The following ZNF214 variants were observed in gnomAD, a reference collection of about 807,000 sequenced individuals.
ZNF214 encodes zinc finger protein 214.
ZNF214 carries 43 observed loss-of-function variants against 53.9 expected under a neutral mutation model. The observed-to-expected ratio is 0.80, with a 90% CI of 0.63 to 1.03. ZNF214 has a LOEUF of 1.03. ZNF214 is among the 50% of genes least tolerant of loss of function. The pLI is 0.00. For synonymous variants in ZNF214, 217 were observed against 229.5 expected, an observed-to-expected ratio of 0.95 and a Z score of 0.49; for missense variants, 724 against 719.1, an observed-to-expected ratio of 1.01 and a Z score of -0.08.
intron 1 of ZNF214, among the ~76,000 whole-genome samples, chr11:7,010,074 C>A (rs944348586): frequency 6.6e-6 from 1 of 151,986 alleles, no homozygotes; most frequent in Non-Finnish European, 1.5e-5. Context: ...TGGGTATATG[C>A]CCAAAGGAAT....
In ZNF214 at chr11:6,999,684, T is replaced by C. The variant is rs1851271487; in HGVS notation, c.*178A>G. The C allele has an allele frequency of 1.7e-6, 1 of 576,088 alleles. No homozygotes were observed. Among genetic ancestry groups the C allele is most frequent in the East Asian group, 3.0e-5 (1 of 33,802 alleles). The allele number at this position is 576,088 out of a possible 1,614,324, so 35.7% of individuals were successfully genotyped here. On this transcript the variant is annotated 3_prime_UTR_variant, in exon 3 of 3. Transcript: ENST00000278314. Reference sequence around the variant, plus strand: ...AAAATACACTATAATTTTAAATATATAGGGTTTTTTCTAAAGATCTCCTTT... The same window carrying C: ...AAAATACACTATAATTTTAAATATACAGGGTTTTTTCTAAAGATCTCCTTT...
intron 1 of ZNF214, among the ~76,000 whole-genome samples, chr11:7,007,453 AGATTGCAAAAATAC>A: frequency 6.6e-6 from 1 of 151,914 alleles, no homozygotes; most frequent in South Asian, 2.1e-4. Context: ...GGATAAAAAA[AGATTGCAAAAATAC>A]GAATCAAAAG....
rs906577720 is a variant in ZNF214, at chr11:6,998,839, C to A, written c.*1023G>T. On this transcript the variant is annotated 3_prime_UTR_variant, in exon 3 of 3. Coordinates refer to ENST00000278314, the MANE Select transcript of ZNF214 (RefSeq NM_013249.4). ...CCTCTAATTTTCCTAAACATGTCCA[C>A]TTTTTTTTCTCTTGGTATTACTTCA... 1.3e-5 allele frequency among the ~76,000 whole-genome samples: 2 copies of A among 151,826 alleles called. No homozygotes were observed. Among genetic ancestry groups the A allele is most frequent in the Non-Finnish European group, 2.9e-5 (2 of 67,898 alleles).
chr11:7,000,039 A>G lies in ZNF214; in HGVS notation c.1644T>C (p.His548=). ...CACATTGATAAGGCTTCTCTCCTGT[A>G]TGGACCCTCTGATGAATGTGAAGAT... ...SSNLHIHQRV[H]TGEKPYQCAK... The change falls in exon 3 of 3, where the codon CAT becomes CAC. Residue 548 remains histidine, a synonymous_variant. Transcript: ENST00000278314. 6.2e-7 allele frequency: 1 copy of G among 1,613,226 alleles called. No homozygotes were observed. The highest frequency in any genetic ancestry group is 8.5e-7 in the Non-Finnish European group (1 of 1,179,510).
At position 6,999,793 on chromosome 11, in the gene ZNF214, A is replaced by G; in HGVS notation, c.*69T>C. On this transcript the variant is annotated 3_prime_UTR_variant, in exon 3 of 3. Transcript: ENST00000278314. The stretch of plus-strand genomic sequence containing the variant: ...TTGTGTTATTTATAAGATTTCCTTA[A>G]CAGCAGGATTTATAGGGTTTAAAGG... The G allele has an allele frequency of 2.1e-6, 3 of 1,451,394 alleles. No homozygotes were observed. Among genetic ancestry groups the G allele is most frequent in the Non-Finnish European group, 2.8e-6 (3 of 1,090,078 alleles). The allele number at this position is 1,451,394 out of a possible 1,614,324, so 89.9% of individuals were successfully genotyped here. A position where few individuals can be genotyped will look rare whatever the true frequency, so the allele number is the denominator to read the frequency against.
chr11:7,007,953 A>G (rs990446895), intron 1 of ZNF214, among the ~76,000 whole-genome samples: 2 of 152,172 alleles, frequency 1.3e-5, no homozygotes, highest in East Asian at 1.9e-4. Context: ...AATTATTAAC[A>G]ATAGAATTTT....
At chr11:7,015,275 G>A (rs1851734074) in intron 1 of ZNF214, among the ~76,000 whole-genome samples, 1 of 152,004 alleles carries the variant, frequency 6.6e-6, no homozygotes, top group South Asian at 2.1e-4. Context: ...TTAGAATTTT[G>A]AGTGCTAAAA....
Position 6,997,478 on chromosome 11 carries a change from T to C in ZNF214, c.*2384A>G, listed in dbSNP as rs1363650401. Among the ~76,000 whole-genome samples the C allele has an allele frequency of 6.6e-6, 1 of 151,820 alleles. No homozygotes were observed. The highest frequency in any genetic ancestry group is 1.5e-5 in the Non-Finnish European group (1 of 67,834). ...TTAGGCCAACTTCTTGGGGATTTTT[T>C]TGGTAGTCATTGCTACAGAGACTGA... is the stretch of plus-strand genomic sequence containing the variant. On this transcript the variant is annotated 3_prime_UTR_variant, in exon 3 of 3. Coordinates refer to ENST00000278314, the MANE Select transcript of ZNF214 (RefSeq NM_013249.4).
chr11:7,004,275 A>C (rs544590813), intron 1 of ZNF214, among the ~76,000 whole-genome samples: 58 of 152,094 alleles, frequency 3.8e-4, no homozygotes, highest in Non-Finnish European at 7.9e-4. Flanking sequence ...ACCAGTTTTC[A>C]CTGTGTTCTA....
At chr11:7,001,665 G>T in intron 2 of ZNF214, 110 bp from the exon 3 acceptor site, 2 of 1,304,008 alleles carry the variant, frequency 1.5e-6, no homozygotes, top group Non-Finnish European at 2.0e-6. Context: ...GTGGCTGGGG[G>T]TAGGAAAGAA....
At chr11:7,014,356 C>T (rs962882603) in intron 1 of ZNF214, among the ~76,000 whole-genome samples, 1 of 152,096 alleles carries the variant, frequency 6.6e-6, no homozygotes, top group Non-Finnish European at 1.5e-5. Flanking sequence ...TCCAAAAAGT[C>T]CAACAACAAA....
At chr11:7,018,364 C>G (rs1193367641) in intron 1 of ZNF214, among the ~76,000 whole-genome samples, 1 of 152,082 alleles carries the variant, frequency 6.6e-6, no homozygotes, top group Non-Finnish European at 1.5e-5. Context: ...GAATATCTTC[C>G]TACTCATAAT....
At chr11:7,018,495 CTTTTTTTTTTTTT>C (rs55641448) in intron 1 of ZNF214, among the ~76,000 whole-genome samples, 52 of 61,906 alleles carry the variant, frequency 8.4e-4, no homozygotes, top group African/African-American at 3.1e-3. Context: ...AATGTTAAGA[CTTTTTTTTTTTTT>C]TTTTTTTTTT....
chr11:7,002,696 G>A lies in ZNF214; in HGVS notation c.127+13C>T, dbSNP rs200528549. The A allele has an allele frequency of 1.1e-4, 173 of 1,580,640 alleles. No individual in the cohort carries two copies. In the East Asian group the frequency reaches 2.9e-3, roughly 27 times the overall value. ...GAAGAAACTCTATTCCCTATGAGAC[G>A]GGATAACTTTACCTACTGACATGAC... On this transcript the variant is annotated intron_variant, in intron 2 of 2. Coordinates refer to ENST00000278314, the MANE Select transcript of ZNF214 (RefSeq NM_013249.4).
Position 6,999,827 on chromosome 11 carries a change from A to T in ZNF214, c.*35T>A. The stretch of plus-strand genomic sequence containing the variant: ...TTTATAGGGTTTAAAGGTTAGGTAA[A>T]CTTTGATTAAAGCTGTTAACTAAAT... On this transcript the variant is annotated 3_prime_UTR_variant, in exon 3 of 3. Transcript: ENST00000278314. 1 of 1,554,604 alleles carries T rather than the reference A, an allele frequency of 6.4e-7. No individual in the cohort carries two copies. Among genetic ancestry groups the T allele is most frequent in the East Asian group, 2.3e-5 (1 of 44,388 alleles).
chr11:7,013,793 C>G (rs1312547187), intron 1 of ZNF214, among the ~76,000 whole-genome samples: 1 of 152,056 alleles, frequency 6.6e-6, no homozygotes, highest in Non-Finnish European at 1.5e-5. Context: ...GTTATAATAC[C>G]AAAGCATATT....
chr11:7,001,056 T>G lies in ZNF214; in HGVS notation c.627A>C (p.Leu209=), dbSNP rs550531025. Residue 209 remains leucine, a synonymous_variant, in exon 3 of 3, where the codon CTA becomes CTC. Transcript: ENST00000278314. ...QYVGVICQED[L]LRDSMEEKYC... Reference sequence around the variant, plus strand: ...ACTTTTCTTCCATTGAATCTCTCAGTAGGTCTTCTTGACATATCACCCCAA... The same window carrying G: ...ACTTTTCTTCCATTGAATCTCTCAGGAGGTCTTCTTGACATATCACCCCAA... 6 of 1,613,310 alleles carry G rather than the reference T, an allele frequency of 3.7e-6. No individual in the cohort carries two copies. In the South Asian group the frequency reaches 5.5e-5, roughly 15 times the overall value.
At chr11:7,012,420 T>A (rs1323338877) in intron 1 of ZNF214, among the ~76,000 whole-genome samples, 1 of 151,826 alleles carries the variant, frequency 6.6e-6, no homozygotes, top group Non-Finnish European at 1.5e-5. Context: ...GGGAAAACTA[T>A]AAAATTAATG....
At position 7,000,149 on chromosome 11, in the gene ZNF214, G is replaced by A. The variant is rs908694918; in HGVS notation, c.1534C>T (p.His512Tyr). Reference protein sequence around the residue: ...ECGKGFSQRSHLLIHQRVHTG... With the variant: ...ECGKGFSQRSYLLIHQRVHTG... ...TGGACTCTCTGATGAATGAGAAGATGTGAACGCTGACTGAATCCCTTGCCA... is the reference window on the plus strand; with the variant it reads ...TGGACTCTCTGATGAATGAGAAGATATGAACGCTGACTGAATCCCTTGCCA... The change falls in exon 3 of 3, where the codon CAT (histidine) becomes TAT (tyrosine). Residue 512 changes from histidine (H) to tyrosine (Y), a missense_variant. His to Tyr is a moderately conservative substitution (Grantham distance 83). Transcript: ENST00000278314. 6.2e-7 allele frequency: 1 copy of A among 1,612,768 alleles called. No individual in the cohort carries two copies. Among genetic ancestry groups the A allele is most frequent in the African/African-American group, 1.3e-5 (1 of 74,778 alleles).
Sources: allele counts gnomAD v4.1 joint callset (sites outside exome capture counted in the v4.1 genomes callset), GRCh38; gene constraint gnomAD v4.1.1; transcripts MANE v1.5; gene names NCBI Gene and HGNC (gene_info 2026-07-23, HGNC 2026-07-21).